Variants in ARB2A observed in about 807,000 individuals in gnomAD.
The protein encoded by ARB2A is ARB2 cotranscriptional regulator A, also known as cotranscriptional regulator ARB2A.
At chr5:93,797,926 G>A in the ARB2A span, among the ~76,000 whole-genome samples, 1 of 151,970 alleles carries the variant, frequency 6.6e-6, no homozygotes, top group African/African-American at 2.4e-5. Context: ...AAAGGATGGC[G>A]GTTAAATATC....
chr5:93,821,982 A>G, the ARB2A span, among the ~76,000 whole-genome samples: 2 of 152,056 alleles, frequency 1.3e-5, no homozygotes, highest in South Asian at 4.1e-4. Flanking sequence ...TACATTAAAT[A>G]GACTTCTCAG....
At chr5:93,712,724 C>T in the ARB2A span, among the ~76,000 whole-genome samples, 2 of 152,036 alleles carry the variant, frequency 1.3e-5, no homozygotes, top group African/African-American at 4.8e-5. Context: ...TTATATTGAA[C>T]CACAAAAGAC....
At chr5:93,869,405 C>A in the ARB2A span, among the ~76,000 whole-genome samples, 1 of 152,106 alleles carries the variant, frequency 6.6e-6, no homozygotes, top group African/African-American at 2.4e-5. Context: ...ACAAAGGGAG[C>A]TCAATTTGAA....
the ARB2A span, among the ~76,000 whole-genome samples, chr5:94,107,474 G>A: frequency 6.0e-5 from 9 of 149,462 alleles, no homozygotes; most frequent in South Asian, 4.3e-4. Flanking sequence ...ATAGCTCAAC[G>A]TAGCACCCCC....
At chr5:93,987,939 C>G in the ARB2A span, among the ~76,000 whole-genome samples, 1 of 152,128 alleles carries the variant, frequency 6.6e-6, no homozygotes. Context: ...CATCTGTATA[C>G]GTTCTAAGCT....
chr5:94,087,944 A>G, the ARB2A span, among the ~76,000 whole-genome samples: 3 of 152,236 alleles, frequency 2.0e-5, no homozygotes, highest in Non-Finnish European at 2.9e-5. Flanking sequence ...TCGCACAACA[A>G]TGAAATCACC....
At chr5:93,819,408 A>G in the ARB2A span, among the ~76,000 whole-genome samples, 1 of 152,324 alleles carries the variant, frequency 6.6e-6, no homozygotes, top group East Asian at 1.9e-4. Context: ...TCTTGAAGTT[A>G]TATTACAAAT....
At chr5:94,085,224 T>C in the ARB2A span, among the ~76,000 whole-genome samples, 1 of 152,192 alleles carries the variant, frequency 6.6e-6, no homozygotes, top group East Asian at 1.9e-4. Context: ...ATCAAAACAG[T>C]CAGTTTATTC....
the ARB2A span, chr5:93,881,716 A>G: frequency 7.1e-7 from 1 of 1,414,026 alleles, no homozygotes; most frequent in South Asian, 1.6e-5. Flanking sequence ...AAGGTAGCAT[A>G]ATTTAAATCT....
chr5:93,845,866 T>C, the ARB2A span, among the ~76,000 whole-genome samples: 4 of 152,180 alleles, frequency 2.6e-5, 1 homozygote, highest in Admixed American at 2.0e-4. Flanking sequence ...AGTATTGCTA[T>C]CTGAATCTAA....
chr5:93,621,070 T>TA, the ARB2A span: 1 of 1,612,038 alleles, frequency 6.2e-7, no homozygotes, highest in Non-Finnish European at 8.5e-7. Flanking sequence ...GAGGCTTCGG[T>TA]AAAGAATTTG....
At chr5:93,837,306 A>G in the ARB2A span, among the ~76,000 whole-genome samples, 2 of 152,038 alleles carry the variant, frequency 1.3e-5, no homozygotes, top group Admixed American at 1.3e-4. Flanking sequence ...TTCTTTTTCA[A>G]TGGCTGTGTA....
chr5:94,075,125 T>C, the ARB2A span, among the ~76,000 whole-genome samples: 5 of 152,174 alleles, frequency 3.3e-5, no homozygotes, highest in Non-Finnish European at 5.9e-5. Context: ...AAAAATATCT[T>C]TGGGTAGTTC....
chr5:93,799,170 G>A, the ARB2A span, among the ~76,000 whole-genome samples: 3 of 152,098 alleles, frequency 2.0e-5, no homozygotes, highest in Non-Finnish European at 4.4e-5. Context: ...TTATGGTCCT[G>A]AAAAGATAAC....
the ARB2A span, among the ~76,000 whole-genome samples, chr5:93,810,985 T>C: frequency 1.3e-5 from 2 of 152,162 alleles, no homozygotes; most frequent in African/African-American, 4.8e-5. Context: ...AAGGGCTACA[T>C]GAGTTAATAT....
the ARB2A span, among the ~76,000 whole-genome samples, chr5:93,956,002 T>G: frequency 0.014 from 2,190 of 152,360 alleles, 27 homozygotes; most frequent in Non-Finnish European, 0.023. Flanking sequence ...AGAGGCTGAA[T>G]AATTGGTACT....
chr5:93,628,052 ATTTTTTTTTTTTT>A, the ARB2A span, among the ~76,000 whole-genome samples: 5 of 68,302 alleles, frequency 7.3e-5, no homozygotes, highest in Admixed American at 5.9e-4. Context: ...ATGTAGCATA[ATTTTTTTTTTTTT>A]TTTTTTTTTT....
the ARB2A span, among the ~76,000 whole-genome samples, chr5:93,743,940 T>A: frequency 6.6e-6 from 1 of 152,176 alleles, no homozygotes; most frequent in Non-Finnish European, 1.5e-5. Context: ...TGTTGGGATT[T>A]CAGGCATGAG....
At chr5:93,945,023 G>C in the ARB2A span, among the ~76,000 whole-genome samples, 1 of 151,856 alleles carries the variant, frequency 6.6e-6, no homozygotes, top group Admixed American at 6.6e-5. Flanking sequence ...GGCTTTAGTT[G>C]TAAGTTCAAG....
Sources: allele counts gnomAD v4.1 joint callset (sites outside exome capture counted in the v4.1 genomes callset), GRCh38; gene constraint gnomAD v4.1.1; transcripts MANE v1.5; gene names NCBI Gene and HGNC (gene_info 2026-07-23, HGNC 2026-07-21).